CDH18: variants seen among roughly 807,000 people sequenced by gnomAD.
CDH18 encodes the protein cadherin 18, also known as cadherin-18.
Under a neutral mutation model 67.9 loss-of-function variants are expected in CDH18, and 31 were observed. The observed-to-expected ratio is 0.46, with a 90% CI of 0.34 to 0.62. The LOEUF is 0.62. Among genes scored for constraint, CDH18 ranks in the 20% least tolerant of loss-of-function variants. The pLI, the probability that CDH18 is intolerant of heterozygous loss-of-function variation, is 0.01. For missense variants in CDH18, 890 were observed against 975.5 expected (o/e 0.91, Z 1.17); for synonymous variants, 362 against 347.2 (o/e 1.04, Z -0.48).
intron 2 of CDH18, among the ~76,000 whole-genome samples, chr5:19,841,497 A>G (rs1248738093): frequency 6.6e-6 from 1 of 151,728 alleles, no homozygotes; most frequent in Non-Finnish European, 1.5e-5. Context: ...CAGCATTTGT[A>G]ATAAATTATT....
intron 2 of CDH18, among the ~76,000 whole-genome samples, chr5:19,844,021 A>C (rs1782641906): frequency 6.6e-6 from 1 of 152,166 alleles, no homozygotes; most frequent in South Asian, 2.1e-4. Flanking sequence ...CTATGAAAGA[A>C]CTAACTTGCT....
At chr5:20,214,996 TA>T (rs1740646534) in intron 2 of CDH18, among the ~76,000 whole-genome samples, 3 of 151,364 alleles carry the variant, frequency 2.0e-5, no homozygotes, top group South Asian at 2.1e-4. Context: ...AGATTTACAA[TA>T]AAAAAAGACC....
At chr5:20,455,570 T>G (rs542075785) in intron 1 of CDH18, among the ~76,000 whole-genome samples, 1 of 152,264 alleles carries the variant, frequency 6.6e-6, no homozygotes, top group South Asian at 2.1e-4. Context: ...CACTTGAGAC[T>G]GGGTCAATAT....
intron 2 of CDH18, among the ~76,000 whole-genome samples, chr5:19,973,980 G>A (rs1296500652): frequency 2.0e-5 from 3 of 152,092 alleles, no homozygotes; most frequent in African/African-American, 4.8e-5. Flanking sequence ...GATTCGAGAA[G>A]GGTATTTGAT....
intron 3 of CDH18, among the ~76,000 whole-genome samples, chr5:19,785,571 T>A (rs1278995878): frequency 3.5e-5 from 5 of 144,432 alleles, no homozygotes; most frequent in Non-Finnish European, 7.5e-5. Context: ...GGAGAATCGC[T>A]TGAACTCATG....
intron 10 of CDH18, among the ~76,000 whole-genome samples, chr5:19,513,230 C>T (rs1433565932): frequency 6.6e-6 from 1 of 152,062 alleles, no homozygotes; most frequent in African/African-American, 2.4e-5. Flanking sequence ...ACTTAAGACT[C>T]CCAAGTAGCT....
rs1363236217 is a variant in CDH18 at position 20,282,950 on chromosome 5, C to CG, written c.-579-27446_-579-27445insC. ...GACCAATGCATCAAAATAGAGAGAC[C>CG]AAAAACAAATCCGTACATCTACAGT... On this transcript the variant is annotated intron_variant, in intron 1 of 14. Coordinates refer to the CDH18 transcript ENST00000507958. Among the ~76,000 whole-genome samples, 18 of 151,996 alleles carry CG rather than the reference C, an allele frequency of 1.2e-4. No homozygotes were observed. The East Asian group carries it at 3.1e-3, about 26-fold the overall frequency.
chr5:19,844,929 T>C (rs575339590), intron 2 of CDH18, among the ~76,000 whole-genome samples: 2 of 152,304 alleles, frequency 1.3e-5, no homozygotes, highest in South Asian at 4.1e-4. Context: ...ACAAATTTAT[T>C]TGTTGCTTTT....
chr5:20,321,089 A>T (rs1468067801), intron 1 of CDH18, among the ~76,000 whole-genome samples: 1 of 152,140 alleles, frequency 6.6e-6, no homozygotes, highest in Non-Finnish European at 1.5e-5. Context: ...TGGAAATACA[A>T]AACATACTTT....
chr5:19,645,515 A>G (rs1754616802), intron 5 of CDH18, among the ~76,000 whole-genome samples: 1 of 152,206 alleles, frequency 6.6e-6, no homozygotes, highest in African/African-American at 2.4e-5. Context: ...TGCATGAAGC[A>G]TTGGGTGGTT....
At chr5:20,377,013 G>A (rs1226446696) in intron 1 of CDH18, among the ~76,000 whole-genome samples, 1 of 87,550 alleles carries the variant, frequency 1.1e-5, no homozygotes, top group East Asian at 2.5e-4. Context: ...ATGAGACTCC[G>A]TCTCAAAAAA....
intron 2 of CDH18, among the ~76,000 whole-genome samples, chr5:20,033,364 G>C (rs1431984695): frequency 6.6e-6 from 1 of 151,972 alleles, no homozygotes; most frequent in Non-Finnish European, 1.5e-5. Flanking sequence ...ACAGCCTAGA[G>C]CACAGCTGCT....
intron 2 of CDH18, among the ~76,000 whole-genome samples, chr5:20,104,760 C>T (rs1279917685): frequency 1.3e-5 from 2 of 151,972 alleles, no homozygotes; most frequent in Non-Finnish European, 2.9e-5. Flanking sequence ...GATCTTTATT[C>T]TAATGCTACC....
At chr5:20,123,195 G>A (rs951410446) in intron 2 of CDH18, among the ~76,000 whole-genome samples, 1 of 151,934 alleles carries the variant, frequency 6.6e-6, no homozygotes, top group East Asian at 1.9e-4. Context: ...AGGAACATAC[G>A]TGATCTGGAA....
At chr5:19,999,371 G>A (rs891067201) in intron 2 of CDH18, among the ~76,000 whole-genome samples, 9 of 152,136 alleles carry the variant, frequency 5.9e-5, no homozygotes, top group African/African-American at 1.9e-4. Flanking sequence ...AGGCCAAGGC[G>A]GGTGTATCAC....
intron 4 of CDH18, among the ~76,000 whole-genome samples, chr5:19,722,266 T>C (rs1201004072): frequency 6.6e-6 from 1 of 151,708 alleles, no homozygotes. Flanking sequence ...GTTGGCCAGG[T>C]TGGTCTTGAA....
At chr5:19,875,421 TA>T (rs1354111465) in intron 2 of CDH18, among the ~76,000 whole-genome samples, 2 of 149,844 alleles carry the variant, frequency 1.3e-5, no homozygotes, top group East Asian at 2.0e-4. Flanking sequence ...GATAGATAGA[TA>T]GATAGATAGA....
At chr5:20,570,108 C>A (rs991729841) in intron 1 of CDH18, among the ~76,000 whole-genome samples, 2 of 152,052 alleles carry the variant, frequency 1.3e-5, no homozygotes, top group Non-Finnish European at 2.9e-5. Context: ...GTGGATATAC[C>A]TTATTATATG....
intron 2 of CDH18, among the ~76,000 whole-genome samples, chr5:20,192,831 C>T (rs781100149): frequency 6.6e-5 from 10 of 151,984 alleles, no homozygotes; most frequent in African/African-American, 2.2e-4. Context: ...CTTGGCTATA[C>T]GAGGTCTTTT....
Sources: allele counts gnomAD v4.1 joint callset (sites outside exome capture counted in the v4.1 genomes callset), GRCh38; gene constraint gnomAD v4.1.1; transcripts MANE v1.5; gene names NCBI Gene and HGNC (gene_info 2026-07-23, HGNC 2026-07-21).